ANOS1: variants seen among roughly 807,000 people sequenced by gnomAD.
The protein encoded by ANOS1 is anosmin 1.
A neutral mutation model predicts 59.0 loss-of-function variants in ANOS1; 6 were observed. The observed-to-expected ratio is 0.10, with a 90% CI of 0.06 to 0.20. The LOEUF is 0.20. Ranked by LOEUF, ANOS1 falls within the 10% of genes least tolerant of loss-of-function variation. ANOS1 has a pLI of 1.00. For missense variants in ANOS1, 433 were observed against 542.3 expected, an observed-to-expected ratio of 0.80 and a Z score of 2.00; for synonymous variants, 217 against 223.4, an observed-to-expected ratio of 0.97 and a Z score of 0.25.
chrX:8,534,208 T>C (rs1929549128), intron 13 of ANOS1, 111 bp downstream of exon 13: 2 of 787,935 alleles, frequency 2.5e-6, no homozygotes, highest in South Asian at 4.4e-5. Context: ...AATTTCCCTA[T>C]CTCATAGAAA....
Position 8,623,481 on chromosome X carries a change from C to T in ANOS1, c.318+127G>A, listed in dbSNP as rs182981750. 5.5e-6 allele frequency: 3 copies of T among 541,274 alleles called. No individual in the cohort carries two copies. The Admixed American group carries it at 8.2e-5, about 15-fold the overall frequency. 44.6% of individuals were successfully genotyped at this position (541,274 alleles called of 1,213,427 possible). A position where few individuals can be genotyped will look rare whatever the true frequency, so the allele number is the denominator to read the frequency against. ...TTTTACATGAATTTACGTATATCCA[C>T]ACACACCTGCAGTTAATGATCTCCC... On this transcript the variant is annotated intron_variant, in intron 3 of 13. Transcript: ENST00000262648.
At chrX:8,715,444 C>CT (rs79202549) in intron 1 of ANOS1, among the ~76,000 whole-genome samples, 33,806 of 95,402 alleles carry the variant, frequency 0.35, 5,068 homozygotes, top group East Asian at 0.57. Context: ...TTTTCTTTTT[C>CT]TTTTTTTTTT....
rs73199075 is a variant in ANOS1 at position 8,715,868 on chromosome X, G to T, written c.207+15962C>A. Among the ~76,000 whole-genome samples, 598 of 109,565 alleles carry T rather than the reference G, an allele frequency of 5.5e-3. 1 individual carries two copies. The highest frequency in any genetic ancestry group is 0.037 in the Middle Eastern group (8 of 214). Reference sequence around the variant, plus strand: ...CTCCTCAGTCTCTCAAGCGGCTGGGGCTACAGGCATGCACCACACTATTTT... The same window carrying T: ...CTCCTCAGTCTCTCAAGCGGCTGGGTCTACAGGCATGCACCACACTATTTT... On this transcript the variant is annotated intron_variant, in intron 1 of 13. Transcript: ENST00000262648.
At chrX:8,687,216 G>A (rs1023919893) in intron 2 of ANOS1, among the ~76,000 whole-genome samples, 1 of 111,118 alleles carries the variant, frequency 9.0e-6, no homozygotes, top group Non-Finnish European at 1.9e-5. Context: ...GCACCTGGAA[G>A]TGATACATCC....
chrX:8,666,503 A>G (rs1171715113), intron 2 of ANOS1, among the ~76,000 whole-genome samples: 1 of 111,904 alleles, frequency 8.9e-6, no homozygotes, highest in East Asian at 2.8e-4. Context: ...ACATATACAC[A>G]CACAATGGAG....
At chrX:8,681,145 T>A (rs1932419179) in intron 2 of ANOS1, among the ~76,000 whole-genome samples, 1 of 111,837 alleles carries the variant, frequency 8.9e-6, no homozygotes, top group Admixed American at 9.5e-5. Context: ...TAAAATGGTA[T>A]ATAAACTTCT....
chrX:8,586,904 G>T (rs12861633), intron 5 of ANOS1, among the ~76,000 whole-genome samples: 1 of 102,966 alleles, frequency 9.7e-6, no homozygotes, highest in Non-Finnish European at 2.0e-5. Context: ...CTATTTAGAA[G>T]ATATTCTTCT....
chrX:8,607,865 A>T (rs1185174017), intron 3 of ANOS1, among the ~76,000 whole-genome samples: 1 of 112,008 alleles, frequency 8.9e-6, no homozygotes, highest in Non-Finnish European at 1.9e-5. Flanking sequence ...GGTAAAAATC[A>T]TTAAACAGTT....
intron 2 of ANOS1, among the ~76,000 whole-genome samples, chrX:8,665,631 T>G (rs764741585): frequency 8.9e-6 from 1 of 112,379 alleles, no homozygotes; most frequent in Non-Finnish European, 1.9e-5. Context: ...TATTTCATTA[T>G]TAAGACTACT....
At chrX:8,679,920 G>A (rs1932395703) in intron 2 of ANOS1, among the ~76,000 whole-genome samples, 1 of 110,375 alleles carries the variant, frequency 9.1e-6, no homozygotes, top group African/African-American at 3.3e-5. Flanking sequence ...CAGCACTTTG[G>A]GAGGCCCAGG....
intron 8 of ANOS1, among the ~76,000 whole-genome samples, chrX:8,558,860 T>C (rs1287357760): frequency 8.9e-6 from 1 of 112,221 alleles, no homozygotes; most frequent in African/African-American, 3.2e-5. Context: ...ATCCAAATTC[T>C]GACAGACATT....
chrX:8,695,846 C>A (rs1932678088), intron 2 of ANOS1, among the ~76,000 whole-genome samples: 1 of 111,447 alleles, frequency 9.0e-6, no homozygotes. Flanking sequence ...TTTAATTCCA[C>A]CGGAACTCAG....
chrX:8,579,301 GTCT>G (rs1386226890), intron 6 of ANOS1, among the ~76,000 whole-genome samples: 2 of 111,388 alleles, frequency 1.8e-5, no homozygotes, highest in East Asian at 5.7e-4. Flanking sequence ...GACATTAGTG[GTCT>G]TCTCATTCCA....
chrX:8,633,824 T>C (rs961767756), intron 2 of ANOS1, among the ~76,000 whole-genome samples: 2 of 111,997 alleles, frequency 1.8e-5, no homozygotes, highest in Non-Finnish European at 3.8e-5. Context: ...AATTAGCCTC[T>C]AGTCTTCAAA....
chrX:8,588,759 C>T (rs1185610623), intron 4 of ANOS1, among the ~76,000 whole-genome samples: 2 of 112,294 alleles, frequency 1.8e-5, no homozygotes, highest in African/African-American at 6.5e-5. Flanking sequence ...GCAACTGATA[C>T]ATTGAAGAAC....
intron 2 of ANOS1, among the ~76,000 whole-genome samples, chrX:8,658,771 G>C (rs1931976028): frequency 8.9e-6 from 1 of 111,822 alleles, no homozygotes; most frequent in Non-Finnish European, 1.9e-5. Context: ...GCATGCACCA[G>C]AATGCTGTGG....
At position 8,532,792 on chromosome X, in the gene ANOS1, G is replaced by T; in HGVS notation, c.*203C>A. 1 of 402,234 alleles carries T rather than the reference G, an allele frequency of 2.5e-6. No homozygotes were observed. The highest frequency in any genetic ancestry group is 4.4e-6 in the Non-Finnish European group (1 of 228,732). 33.1% of individuals were successfully genotyped at this position (402,234 alleles called of 1,213,427 possible). A position where few individuals can be genotyped will look rare whatever the true frequency, so the allele number is the denominator to read the frequency against. ...ATTTTCTCCATGCTTGTAGGGAACT[G>T]GTGTCTGTCTTCACCAATCTACTGT... On this transcript the variant is annotated 3_prime_UTR_variant, in exon 14 of 14. Transcript: ENST00000262648.
intron 4 of ANOS1, 130 bp from the exon 5 acceptor site, chrX:8,588,108 C>T (rs1402658855): frequency 3.3e-6 from 2 of 612,055 alleles, no homozygotes; most frequent in African/African-American, 2.2e-5. Flanking sequence ...ATAAAAGTGG[C>T]CTCTCCATAC....
chrX:8,726,650 T>C (rs938727112), intron 1 of ANOS1, among the ~76,000 whole-genome samples: 2 of 112,423 alleles, frequency 1.8e-5, no homozygotes, highest in South Asian at 7.3e-4. Flanking sequence ...CAATGGCAGG[T>C]CCCAAGCCTG....
Sources: gnomAD v4.1 joint callset for allele counts (sites outside exome capture counted in the v4.1 genomes callset) on GRCh38, gnomAD v4.1.1 for gene constraint, MANE v1.5 for transcripts, NCBI Gene and HGNC (gene_info 2026-07-23, HGNC 2026-07-21) for gene names.